The following BDP1 variants were observed in gnomAD, a reference collection of about 807,000 sequenced individuals.
BDP1 encodes the protein BDP1 general transcription factor IIIB subunit.
A neutral mutation model predicts 266.6 loss-of-function variants in BDP1; 169 were observed. The ratio of observed to expected loss-of-function variants is 0.63; its 90% confidence interval spans 0.56 to 0.72. The LOEUF (loss-of-function observed/expected upper bound fraction) is 0.72. Ranked by LOEUF, BDP1 falls within the 30% of genes least tolerant of loss-of-function variation. BDP1 has a pLI of 0.00. For missense variants in BDP1, 3,015 were observed against 3,053.8 expected, an observed-to-expected ratio of 0.99 and a Z score of 0.30; for synonymous variants, 1,090 against 1,022.4, an observed-to-expected ratio of 1.07 and a Z score of -1.26.
At chr5:71,499,364 C>T (rs1336699345) in intron 13 of BDP1, among the ~76,000 whole-genome samples, 3 of 152,210 alleles carry the variant, frequency 2.0e-5, no homozygotes, top group East Asian at 3.9e-4. Context: ...CACCTGTAAT[C>T]CCAGCACTTT....
At chr5:71,525,994 A>G (rs2150520020) in intron 25 of BDP1, among the ~76,000 whole-genome samples, 1 of 145,272 alleles carries the variant, frequency 6.9e-6, no homozygotes, top group Non-Finnish European at 1.5e-5. Context: ...ATCCCAGACG[A>G]TGGGCGGCCA....
chr5:71,501,417 GC>G (rs1171978368), intron 13 of BDP1, 144 bp from the exon 14 acceptor site: 2 of 543,810 alleles, frequency 3.7e-6, no homozygotes, highest in Non-Finnish European at 6.6e-6. Context: ...CAGGCAATCC[GC>G]CTGCCTTGGC....
chr5:71,522,424 C>T lies in BDP1; in HGVS notation c.5127C>T (p.Ser1709=), dbSNP rs1765543729. The change falls in exon 23 of 39, where the codon AGC becomes AGT. Residue 1709 remains serine (S), a synonymous_variant. Coordinates refer to ENST00000358731, the MANE Select transcript of BDP1 (RefSeq NM_018429.3). ...PVLEKVTTDQ[S]KEGKPEDHLL... is the part of the protein sequence containing the mutation. ...TAGAAAAAGTCACAACAGATCAGAG[C>T]AAGGAAGGCAAGCCAGAAGATCATT... The T allele has an allele frequency of 3.7e-6, 6 of 1,611,928 alleles. No individual in the cohort carries two copies. In the East Asian group the frequency reaches 1.3e-4, roughly 36 times the overall value.
At chr5:71,466,277 G>A in intron 5 of BDP1, 56 bp downstream of exon 5, 1 of 1,598,218 alleles carries the variant, frequency 6.3e-7, no homozygotes. Flanking sequence ...AACATGCTTT[G>A]TCTAGTGAAA....
At chr5:71,511,214 C>A (rs746360454) in intron 17 of BDP1, 63 bp downstream of exon 17, 1 of 1,461,158 alleles carries the variant, frequency 6.8e-7, no homozygotes, top group South Asian at 1.3e-5. Flanking sequence ...ATAAATAATT[C>A]CATGATTATT....
the BDP1 span, among the ~76,000 whole-genome samples, chr5:71,577,248 G>A: frequency 6.6e-6 from 1 of 152,186 alleles, no homozygotes; most frequent in African/African-American, 2.4e-5. Flanking sequence ...TTTACTCATT[G>A]TGTCCGTAGA....
chr5:71,468,078 G>A (rs1386840349), intron 6 of BDP1, among the ~76,000 whole-genome samples: 1 of 151,886 alleles, frequency 6.6e-6, no homozygotes, highest in Non-Finnish European at 1.5e-5. Context: ...AAGTACAATG[G>A]CACGATCTCG....
Position 71,489,695 on chromosome 5 carries a change from C to T in BDP1, c.1492+13C>T. 1 of 1,584,810 alleles carries T rather than the reference C, an allele frequency of 6.3e-7. No individual in the cohort carries two copies. The highest frequency in any genetic ancestry group is 8.5e-7 in the Non-Finnish European group (1 of 1,170,694). ...GAAAAACACAAGAGTAAGTTTCTTA[C>T]ATATTTAAAAAGCCTCTATATTACT... On this transcript the variant is annotated intron_variant, in intron 10 of 38. Transcript: ENST00000358731.
intron 30 of BDP1, among the ~76,000 whole-genome samples, chr5:71,542,490 T>TTC (rs745780596): frequency 6.6e-6 from 1 of 152,190 alleles, no homozygotes; most frequent in Admixed American, 6.5e-5. Context: ...TGTCCTTTTA[T>TTC]TCTCTCTCTG....
intron 25 of BDP1, among the ~76,000 whole-genome samples, chr5:71,529,198 T>C (rs562072007): frequency 1.4e-4 from 21 of 152,092 alleles, no homozygotes; most frequent in Non-Finnish European, 2.8e-4. Flanking sequence ...GAGACCAGCC[T>C]GGCCAACATG....
chr5:71,569,497 AG>A (rs1344455562), downstream of BDP1, among the ~76,000 whole-genome samples: 1 of 152,194 alleles, frequency 6.6e-6, no homozygotes, highest in East Asian at 1.9e-4. Flanking sequence ...CTGTAATCCT[AG>A]CACTTTGGGA....
chr5:71,468,731 C>T (rs187860043), intron 6 of BDP1, among the ~76,000 whole-genome samples: 2,586 of 151,684 alleles, frequency 0.017, 73 homozygotes, highest in African/African-American at 0.059. Context: ...CTCAGCCTCC[C>T]GAGCAGCTGG....
the BDP1 span, among the ~76,000 whole-genome samples, chr5:71,573,210 A>C: frequency 2.0e-5 from 3 of 149,996 alleles, no homozygotes; most frequent in Non-Finnish European, 4.4e-5. Context: ...CCTGGGTGAC[A>C]GAACGAGACT....
At chr5:71,574,270 G>GA in the BDP1 span, among the ~76,000 whole-genome samples, 4 of 152,126 alleles carry the variant, frequency 2.6e-5, no homozygotes, top group African/African-American at 9.7e-5. Flanking sequence ...TCCCCCAGCA[G>GA]AAAAAAATGC....
rs564127239 is a variant in BDP1, at chr5:71,562,195, C to CAAAA, written c.7497-54_7497-51dup. On this transcript the variant is annotated intron_variant, in intron 37 of 38. Coordinates refer to ENST00000358731, the MANE Select transcript of BDP1 (RefSeq NM_018429.3). ...CCTGGGTGAGAGTGAGACTGCGTCTCAAAAAAAAAAAAAAAAAAAAAAAAA... is the reference window on the plus strand; with the variant it reads ...CCTGGGTGAGAGTGAGACTGCGTCTCAAAAAAAAAAAAAAAAAAAAAAAAAAAAA... 208 of 459,400 alleles carry CAAAA rather than the reference C, an allele frequency of 4.5e-4. 1 individual carries two copies. The highest frequency in any genetic ancestry group is 1.4e-3 in the African/African-American group (30 of 22,010). The allele number at this position is 459,400 out of a possible 1,614,324, so 28.5% of individuals were successfully genotyped here. A position where few individuals can be genotyped will look rare whatever the true frequency, so the allele number is the denominator to read the frequency against.
intron 34 of BDP1, among the ~76,000 whole-genome samples, chr5:71,552,680 T>C (rs188123810): frequency 2.0e-5 from 3 of 152,128 alleles, no homozygotes. Context: ...ACCAGTCAGG[T>C]GTGGTGTCGC....
At chr5:71,525,174 C>T (rs1362327504) in intron 25 of BDP1, among the ~76,000 whole-genome samples, 1 of 152,090 alleles carries the variant, frequency 6.6e-6, no homozygotes, top group Non-Finnish European at 1.5e-5. Flanking sequence ...GGGGTGGTGG[C>T]CGGGCAGAGG....
intron 35 of BDP1, among the ~76,000 whole-genome samples, chr5:71,555,888 T>C (rs1182405211): frequency 6.6e-6 from 1 of 152,208 alleles, no homozygotes; most frequent in East Asian, 1.9e-4. Flanking sequence ...CTTGTTTAGC[T>C]CTTTAAAAAA....
chr5:71,565,082 C>T lies in BDP1; in HGVS notation c.*197C>T, dbSNP rs1743946624. Reference sequence around the variant, plus strand: ...GAGGTTCCTTTCATTCTGACTGATTCAGCATTTTGCAAATAGCAAGCAATT... The same window carrying T: ...GAGGTTCCTTTCATTCTGACTGATTTAGCATTTTGCAAATAGCAAGCAATT... On this transcript the variant is annotated 3_prime_UTR_variant, in exon 39 of 39. Transcript: ENST00000358731. 11 of 532,892 alleles carry T rather than the reference C, an allele frequency of 2.1e-5. No homozygotes were observed. The highest frequency in any genetic ancestry group is 3.2e-5 in the Non-Finnish European group (10 of 308,940). 33.0% of individuals were successfully genotyped at this position (532,892 alleles called of 1,614,324 possible). A position where few individuals can be genotyped will look rare whatever the true frequency, so the allele number is the denominator to read the frequency against.
Sources: allele counts gnomAD v4.1 joint callset (sites outside exome capture counted in the v4.1 genomes callset), GRCh38; gene constraint gnomAD v4.1.1; transcripts MANE v1.5; gene names NCBI Gene and HGNC (gene_info 2026-07-23, HGNC 2026-07-21).